The following PWP1 variants were observed in gnomAD, a reference collection of about 807,000 sequenced individuals.
PWP1 encodes periodic tryptophan protein 1 homolog.
Under a neutral mutation model 69.9 loss-of-function variants are expected in PWP1, and 47 were observed. That is an observed-to-expected ratio of 0.67 (90% CI 0.53 to 0.86). The LOEUF is 0.86. PWP1 is among the 40% of genes least tolerant of loss of function. PWP1 has a pLI of 0.00. For missense variants in PWP1, 551 were observed against 608.8 expected, an observed-to-expected ratio of 0.91 and a Z score of 1.00; for synonymous variants, 222 against 208.2, an observed-to-expected ratio of 1.07 and a Z score of -0.57.
At chr12:107,710,551 G>GT (rs773545120) in intron 14 of PWP1, 41 bp downstream of exon 14, 3 of 642,978 alleles carry the variant, frequency 4.7e-6, no homozygotes, top group African/African-American at 2.4e-5. Flanking sequence ...CCCTGCCCCT[G>GT]TAAAAAAAAA....
chr12:107,687,114 A>T (rs183589932), intron 1 of PWP1, among the ~76,000 whole-genome samples: 1 of 152,274 alleles, frequency 6.6e-6, no homozygotes, highest in East Asian at 1.9e-4. Flanking sequence ...GACCAAGATA[A>T]TGATGATGGT....
In PWP1 at chr12:107,712,358, C is replaced by T. The variant is rs540870787; in HGVS notation, c.*138C>T. On this transcript the variant is annotated 3_prime_UTR_variant, in exon 15 of 15. Transcript: ENST00000412830. Reference sequence around the variant, plus strand: ...TGACTGACATTCCTTTCTGCAACTGCGGTGGCACCACAAATATCCGGTCTT... The same window carrying T: ...TGACTGACATTCCTTTCTGCAACTGTGGTGGCACCACAAATATCCGGTCTT... 28 of 607,148 alleles carry T rather than the reference C, an allele frequency of 4.6e-5. 1 individual carries two copies. The highest frequency in any genetic ancestry group is 2.8e-4 in the Admixed American group (10 of 35,286). The allele number at this position is 607,148 out of a possible 1,614,324, so 37.6% of individuals were successfully genotyped here. A position where few individuals can be genotyped will look rare whatever the true frequency, so the allele number is the denominator to read the frequency against.
intron 8 of PWP1, among the ~76,000 whole-genome samples, chr12:107,701,200 C>A (rs932446582): frequency 2.6e-5 from 4 of 151,942 alleles, no homozygotes; most frequent in Non-Finnish European, 5.9e-5. Context: ...AATCACTGCT[C>A]ACTGTAGTCT....
At position 107,706,507 on chromosome 12, in the gene PWP1, C is replaced by A. The variant is rs997527741; in HGVS notation, c.1077+1760C>A. ...TGAATGGTATTGCCTAGGTTTTCTT[C>A]TAGGGTTTTTATGGTTTTAGGTCTA... On this transcript the variant is annotated intron_variant, in intron 11 of 14. Transcript: ENST00000412830. Among the ~76,000 whole-genome samples, 10 of 152,242 alleles carry A rather than the reference C, an allele frequency of 6.6e-5. No individual in the cohort carries two copies. In the East Asian group the frequency reaches 1.9e-3, roughly 29 times the overall value.
At chr12:107,705,735 G>T (rs1372960043) in intron 11 of PWP1, among the ~76,000 whole-genome samples, 1 of 152,004 alleles carries the variant, frequency 6.6e-6, no homozygotes, top group Non-Finnish European at 1.5e-5. Context: ...AGTATTCCAT[G>T]GTGTATATGT....
chr12:107,688,914 A>G lies in PWP1; in HGVS notation c.319+112A>G, dbSNP rs1889428649. The stretch of plus-strand genomic sequence containing the variant: ...TTTTATTGTTCTTGACATCAGTAAG[A>G]TAATCTGGTTGAAGACTTGGGCAGA... On this transcript the variant is annotated intron_variant, in intron 3 of 14. Coordinates refer to ENST00000412830, the MANE Select transcript of PWP1 (RefSeq NM_007062.3). The G allele has an allele frequency of 9.5e-6, 11 of 1,152,658 alleles. No homozygotes were observed. The South Asian group carries it at 1.6e-4, about 17-fold the overall frequency. The allele number at this position is 1,152,658 out of a possible 1,614,324, so 71.4% of individuals were successfully genotyped here.
At chr12:107,703,060 T>G in intron 9 of PWP1, 29 bp downstream of exon 9, 1 of 1,491,500 alleles carries the variant, frequency 6.7e-7, no homozygotes, top group Non-Finnish European at 9.3e-7. Flanking sequence ...TCACAGCGGT[T>G]CTTAAAAATC....
rs752561403 is a variant in PWP1, at chr12:107,699,418, T to A, written c.790T>A (p.Trp264Arg). ...GHTDAVLDLS[W>R]NKLIRNVLAS... is the part of the protein sequence containing the mutation. Reference sequence around the variant, plus strand: ...TACCGATGCTGTCCTTGACCTTTCATGGAATAAGCTAATCAGGTAAAAAGA... The same window carrying A: ...TACCGATGCTGTCCTTGACCTTTCAAGGAATAAGCTAATCAGGTAAAAAGA... The change falls in exon 8 of 15, where the codon TGG (tryptophan) becomes AGG (arginine). Residue 264 changes from tryptophan (W) to arginine (R), a missense_variant. By Grantham distance (101) the Trp-to-Arg change is moderately radical. Transcript: ENST00000412830. 1 of 1,612,618 alleles carries A rather than the reference T, an allele frequency of 6.2e-7. No homozygotes were observed. Among genetic ancestry groups the A allele is most frequent in the East Asian group, 2.2e-5 (1 of 44,884 alleles).
intron 8 of PWP1, 60 bp downstream of exon 8, chr12:107,699,494 A>C: frequency 6.7e-5 from 87 of 1,302,464 alleles, no homozygotes; most frequent in Non-Finnish European, 8.8e-5. Context: ...ATCTTACCTC[A>C]TGCCTACACT....
Position 107,685,939 on chromosome 12 carries a change from C to T in PWP1, c.40C>T (p.Arg14Cys). ...SRQVTCVAWV[R>C]CGVAKETPDK... ...CCAGGTGACGTGCGTGGCCTGGGTC[C>T]GCTGCGGCGTGGCCAAAGAGACACC... is the stretch of plus-strand genomic sequence containing the variant. The change falls in exon 1 of 15, where the codon CGC becomes TGC. Residue 14 changes from arginine to cysteine, a missense_variant. Physicochemically the swap from Arg to Cys is radical, Grantham distance 180 (BLOSUM62 -3). Coordinates refer to ENST00000412830, the MANE Select transcript of PWP1 (RefSeq NM_007062.3). The T allele has an allele frequency of 6.2e-7, 1 of 1,613,928 alleles. No individual in the cohort carries two copies. The highest frequency in any genetic ancestry group is 8.5e-7 in the Non-Finnish European group (1 of 1,179,984).
chr12:107,703,071 G>A (rs1175856258), intron 9 of PWP1, 40 bp downstream of exon 9: 9 of 1,409,766 alleles, frequency 6.4e-6, no homozygotes, highest in South Asian at 2.4e-5. Flanking sequence ...CTTAAAAATC[G>A]GACACAAATA....
chr12:107,700,833 G>GT (rs1489889438), intron 8 of PWP1, among the ~76,000 whole-genome samples: 4 of 152,248 alleles, frequency 2.6e-5, no homozygotes, highest in Non-Finnish European at 5.9e-5. Flanking sequence ...GTTATTTTCT[G>GT]TTTTTCATAA....
rs577971512 is a variant in PWP1, at chr12:107,696,324, C to T, written c.503-150C>T. The T allele has an allele frequency of 1.1e-4, 138 of 1,219,010 alleles. 1 individual carries two copies. The highest frequency in any genetic ancestry group is 1.1e-3 in the South Asian group (64 of 59,884). The allele number at this position is 1,219,010 out of a possible 1,614,324, so 75.5% of individuals were successfully genotyped here. On this transcript the variant is annotated intron_variant, in intron 5 of 14. Transcript: ENST00000412830. ...TTGGGATTACAGGCACGAGCCACTG[C>T]GCCCAGCCTGGAATCTCTTTATAAT...
intron 5 of PWP1, among the ~76,000 whole-genome samples, chr12:107,694,123 T>C (rs1889536504): frequency 2.0e-5 from 3 of 152,208 alleles, no homozygotes; most frequent in Non-Finnish European, 4.4e-5. Context: ...TGCCTCACTT[T>C]GGTGTTTTTA....
At chr12:107,688,552 C>T in intron 2 of PWP1, 46 bp downstream of exon 2, 3 of 1,610,194 alleles carry the variant, frequency 1.9e-6, no homozygotes, top group Non-Finnish European at 2.5e-6. Context: ...TGATGATGAC[C>T]ATGTGGTCTT....
At chr12:107,689,910 G>T (rs914064477) in intron 3 of PWP1, among the ~76,000 whole-genome samples, 3 of 152,286 alleles carry the variant, frequency 2.0e-5, no homozygotes, top group African/African-American at 7.2e-5. Context: ...AATGGAAAAG[G>T]AGCTGACAAA....
At chr12:107,688,551 C>A in intron 2 of PWP1, 45 bp downstream of exon 2, 1 of 1,609,956 alleles carries the variant, frequency 6.2e-7, no homozygotes, top group Non-Finnish European at 8.5e-7. Flanking sequence ...ATGATGATGA[C>A]CATGTGGTCT....
intron 13 of PWP1, among the ~76,000 whole-genome samples, chr12:107,709,890 C>T (rs117153094): frequency 2.6e-5 from 4 of 152,228 alleles, no homozygotes; most frequent in Non-Finnish European, 5.9e-5. Context: ...TAAATGCTTA[C>T]ATTTAACTCT....
intron 11 of PWP1, 64 bp downstream of exon 11, chr12:107,704,811 T>C: frequency 2.4e-6 from 3 of 1,270,736 alleles, no homozygotes; most frequent in Non-Finnish European, 3.4e-6. Flanking sequence ...AATTCCATAG[T>C]AGAGAGAATT....
Sources: allele counts gnomAD v4.1 joint callset (sites outside exome capture counted in the v4.1 genomes callset), GRCh38; gene constraint gnomAD v4.1.1; transcripts MANE v1.5; gene names NCBI Gene and HGNC (gene_info 2026-07-23, HGNC 2026-07-21).